The following RRBP1 variants were observed in gnomAD, a reference collection of about 807,000 sequenced individuals.
The protein encoded by RRBP1 is ribosome binding protein 1, also known as ribosome-binding protein 1.
In RRBP1, 94 loss-of-function variants were observed where a neutral mutation model predicts 165.2. The ratio of observed to expected loss-of-function variants is 0.57; its 90% CI spans 0.48 to 0.68. RRBP1 has a LOEUF of 0.68. Among genes scored for constraint, RRBP1 ranks in the 30% least tolerant of loss-of-function variants. The pLI, the probability that RRBP1 is intolerant of heterozygous loss-of-function variation, is 0.00. For missense variants in RRBP1, 1,676 were observed against 1,763.0 expected (o/e 0.95, Z 0.88); for synonymous variants, 680 against 714.5 (o/e 0.95, Z 0.77).
intron 9 of RRBP1, among the ~76,000 whole-genome samples, 176 bp from the exon 10 acceptor site, chr20:17,627,858 G>A (rs544940051): frequency 4.4e-4 from 67 of 152,320 alleles, no homozygotes; most frequent in Middle Eastern, 3.4e-3. Flanking sequence ...TCTTGTTAGC[G>A]GTTGAAGAAA....
intron 13 of RRBP1, among the ~76,000 whole-genome samples, chr20:17,622,657 A>G (rs1237209579): frequency 6.6e-6 from 1 of 152,060 alleles, no homozygotes; most frequent in Non-Finnish European, 1.5e-5. Flanking sequence ...AACAAAGATA[A>G]GGAAACAAAA....
chr20:17,663,090 C>T (rs956804792), intron 2 of RRBP1, among the ~76,000 whole-genome samples: 1 of 152,220 alleles, frequency 6.6e-6, no homozygotes, highest in Non-Finnish European at 1.5e-5. Context: ...GTCACCCTCA[C>T]TGAGGCTCCA....
chr20:17,616,706 T>C lies in RRBP1; in HGVS notation c.3867+26A>G, dbSNP rs1341107875. The C allele has an allele frequency of 2.0e-6, 3 of 1,497,868 alleles. No homozygotes were observed. In the African/African-American group the frequency reaches 4.2e-5, roughly 21 times the overall value. 92.8% of individuals were successfully genotyped at this position (1,497,868 alleles called of 1,614,324 possible). On this transcript the variant is annotated intron_variant, in intron 21 of 24. Transcript: ENST00000377813. Reference sequence around the variant, plus strand: ...GCACTCTTCTGGGATTAGTGATGTGTCTGGGGACCAGCTCACCGCCCTAAC... The same window carrying C: ...GCACTCTTCTGGGATTAGTGATGTGCCTGGGGACCAGCTCACCGCCCTAAC...
intron 2 of RRBP1, among the ~76,000 whole-genome samples, chr20:17,669,110 C>T (rs6080771): frequency 1 from 152,015 of 152,346 alleles, 75,845 homozygotes; most frequent in Middle Eastern, 1. Flanking sequence ...ATAATGGACT[C>T]CCTATTTTAA....
rs144895899 is a variant in RRBP1 at position 17,660,914 on chromosome 20, G to T, written c.-21-386C>A. 1.6e-4 allele frequency among the ~76,000 whole-genome samples: 25 copies of T among 152,320 alleles called. No homozygotes were observed. The Middle Eastern group carries it at 0.014, about 83-fold the overall frequency. On this transcript the variant is annotated intron_variant, in intron 2 of 24. Coordinates refer to ENST00000377813, the MANE Select transcript of RRBP1 (RefSeq NM_001365613.2). ...GAGACCATGGGGAGTGGTGGAGACT[G>T]TAGTAAAAACACCCGCCCCCACCTA...
At chr20:17,618,806 C>T (rs1373011513) in intron 19 of RRBP1, 127 bp from the exon 20 acceptor site, 2 of 719,440 alleles carry the variant, frequency 2.8e-6, no homozygotes, top group Admixed American at 4.2e-5. Flanking sequence ...AGGAGGGTCA[C>T]AGCATCGGGC....
chr20:17,676,469 C>G (rs961908245), intron 2 of RRBP1, among the ~76,000 whole-genome samples: 4 of 152,150 alleles, frequency 2.6e-5, no homozygotes, highest in African/African-American at 9.7e-5. Context: ...CTCACTCACT[C>G]CAGGGATCAG....
At chr20:17,669,338 A>G (rs982499878) in intron 2 of RRBP1, among the ~76,000 whole-genome samples, 3 of 152,220 alleles carry the variant, frequency 2.0e-5, no homozygotes, top group Admixed American at 6.5e-5. Context: ...AACTTCCAAG[A>G]AGCCTACGGG....
At chr20:17,678,461 A>G (rs1279320151) in intron 2 of RRBP1, among the ~76,000 whole-genome samples, 3 of 152,222 alleles carry the variant, frequency 2.0e-5, no homozygotes, top group African/African-American at 7.2e-5. Flanking sequence ...AGGCGGGACT[A>G]ATGCTTTCTC....
At chr20:17,654,701 T>G (rs143455523) in intron 3 of RRBP1, among the ~76,000 whole-genome samples, 2,222 of 152,266 alleles carry the variant, frequency 0.015, 36 homozygotes, top group Non-Finnish European at 0.024. Context: ...CCTGGGTGAC[T>G]CTATAGCCTG....
intron 3 of RRBP1, among the ~76,000 whole-genome samples, chr20:17,649,995 C>T (rs1222931977): frequency 3.3e-5 from 5 of 152,112 alleles, no homozygotes; most frequent in Non-Finnish European, 7.4e-5. Context: ...GCTGGCACTA[C>T]CTTTCCTCAT....
intron 3 of RRBP1, among the ~76,000 whole-genome samples, chr20:17,648,219 T>C (rs1233442395): frequency 2.0e-5 from 3 of 152,246 alleles, no homozygotes; most frequent in Admixed American, 1.3e-4. Flanking sequence ...TGCTGGCCTC[T>C]AACTGCTCGT....
Position 17,635,556 on chromosome 20 carries a change from C to T in RRBP1, c.2446G>A (p.Val816Met), listed in dbSNP as rs1309435889. 5.0e-6 allele frequency: 8 copies of T among 1,610,638 alleles called. No homozygotes were observed. Among genetic ancestry groups the T allele is most frequent in the Non-Finnish European group, 5.9e-6 (7 of 1,178,904 alleles). Residue 816 changes from valine to methionine, a missense_variant, in exon 7 of 25, where the codon GTG becomes ATG. This residue lies in a region of RRBP1 where 1,184 missense variants were observed against 1,167.1 expected (regional missense o/e 1.01). Transcript: ENST00000377813. ...RDALNQATSQ[V>M]ESKQNAELAK... ...GAAAGCTCAGCTTACTTGCTCTCCA[C>T]CTGGCTCGTGGCCTGGTTCAAGGCA...
chr20:17,640,196 G>T (rs1452406971), intron 5 of RRBP1, among the ~76,000 whole-genome samples: 2 of 152,218 alleles, frequency 1.3e-5, no homozygotes, highest in African/African-American at 4.8e-5. Context: ...GATGCAGCCA[G>T]GTGATGCCTA....
chr20:17,617,893 C>T (rs1449066338), intron 20 of RRBP1, among the ~76,000 whole-genome samples: 2 of 152,268 alleles, frequency 1.3e-5, no homozygotes, highest in African/African-American at 4.8e-5. Context: ...TGCGGCCTCA[C>T]AGGGTGCTGC....
intron 2 of RRBP1, among the ~76,000 whole-genome samples, chr20:17,668,386 C>A (rs2036910369): frequency 6.6e-6 from 1 of 152,122 alleles, no homozygotes; most frequent in South Asian, 2.1e-4. Flanking sequence ...TCTTTTCTAC[C>A]TCTAACAGTG....
rs377222214 is a variant in RRBP1, at chr20:17,613,941, G to T, written c.*241C>A. The T allele has an allele frequency of 2.0e-6, 1 of 496,322 alleles. No individual in the cohort carries two copies. Among genetic ancestry groups the T allele is most frequent in the Non-Finnish European group, 3.6e-6 (1 of 276,432 alleles). The allele number at this position is 496,322 out of a possible 1,614,324, so 30.7% of individuals were successfully genotyped here. On this transcript the variant is annotated 3_prime_UTR_variant, in exon 25 of 25. Coordinates refer to ENST00000377813, the MANE Select transcript of RRBP1 (RefSeq NM_001365613.2). ...GTCAACCAGGGCTTTGGCGTCACTC[G>T]GCGGTGGCCCGGGGCTGCGCCCAGG...
rs1250780735 is a variant in RRBP1, at chr20:17,621,871, G to C, written c.3224C>G (p.Ser1075Cys). The change falls in exon 14 of 25, where the codon TCT becomes TGT. Residue 1075 changes from serine (S) to cysteine (C), a missense_variant. Ser to Cys is a moderately radical substitution (Grantham distance 112). Around this residue, in one of 5 missense-constraint regions of RRBP1, gnomAD observed 1,184 missense variants for 1,167.1 expected, o/e 1.01. Transcript: ENST00000377813. ...CCCTCCTACCTGTTGTGCCAAGACA[G>C]AGAGTTCTGGGAGCAGAGCCAGCAG... Reference protein sequence around the residue: ...EALLALLPELSVLAQQNYTEW... With the variant: ...EALLALLPELCVLAQQNYTEW... 2.5e-6 allele frequency: 4 copies of C among 1,613,810 alleles called. No homozygotes were observed. The highest frequency in any genetic ancestry group is 3.4e-6 in the Non-Finnish European group (4 of 1,179,984).
chr20:17,662,454 C>T (rs979889917), intron 2 of RRBP1, among the ~76,000 whole-genome samples: 1 of 152,140 alleles, frequency 6.6e-6, no homozygotes, highest in African/African-American at 2.4e-5. Flanking sequence ...TGTCACTCGG[C>T]GTTGAGCGAG....
Sources: gnomAD v4.1 joint callset for allele counts (sites outside exome capture counted in the v4.1 genomes callset) on GRCh38, gnomAD v4.1.1 for gene constraint, gnomAD v4.1.1 regional missense constraint, MANE v1.5 for transcripts, NCBI Gene and HGNC (gene_info 2026-07-23, HGNC 2026-07-21) for gene names.